Variants in RNF217 observed in about 807,000 individuals in gnomAD.
RNF217 encodes the protein ring finger protein 217.
RNF217 carries 31 observed loss-of-function variants against 57.8 expected under a neutral mutation model. That is an observed-to-expected ratio of 0.54 (90% CI 0.40 to 0.72). RNF217 has a LOEUF of 0.72. RNF217 is among the 30% of genes least tolerant of loss of function. The probability of loss-of-function intolerance (pLI) is 0.00; values close to 1 mark genes in which losing one functional copy is unlikely to be tolerated. For missense variants in RNF217, 696 were observed against 708.3 expected, an observed-to-expected ratio of 0.98 and a Z score of 0.20; for synonymous variants, 313 against 294.0, an observed-to-expected ratio of 1.06 and a Z score of -0.66.
intron 4 of RNF217, among the ~76,000 whole-genome samples, chr6:125,079,978 T>C (rs1788514862): frequency 6.6e-6 from 1 of 152,108 alleles, no homozygotes; most frequent in African/African-American, 2.4e-5. Flanking sequence ...GGAATAAGTT[T>C]ATTTCCTATC....
At chr6:125,017,457 C>G (rs1785655444) in intron 1 of RNF217, among the ~76,000 whole-genome samples, 1 of 152,120 alleles carries the variant, frequency 6.6e-6, no homozygotes, top group Non-Finnish European at 1.5e-5. Flanking sequence ...TTGTCACAAG[C>G]TGCTTTAAGG....
chr6:125,074,197 C>T (rs755142145), intron 3 of RNF217, among the ~76,000 whole-genome samples: 4 of 152,126 alleles, frequency 2.6e-5, no homozygotes, highest in Non-Finnish European at 2.9e-5. Context: ...ATGAAGTGCC[C>T]GCCTGTAATA....
rs752370340 is a variant in RNF217 at position 124,990,704 on chromosome 6, C to T, written c.882+27278C>T. ...CTGTGAACCATGCCACCATCATTCT[C>T]ACCAGGAATCTAGCAGTAAAATCTT... is the stretch of plus-strand genomic sequence containing the variant. On this transcript the variant is annotated intron_variant, in intron 1 of 5. Transcript: ENST00000521654. Among the ~76,000 whole-genome samples, 308 of 152,188 alleles carry T rather than the reference C, an allele frequency of 2.0e-3. 9 individuals are homozygous for T. Among genetic ancestry groups the T allele is most frequent in the Non-Finnish European group, 6.8e-4 (46 of 68,038 alleles).
chr6:125,029,737 A>T (rs1786268960), intron 1 of RNF217, among the ~76,000 whole-genome samples: 1 of 152,220 alleles, frequency 6.6e-6, no homozygotes, highest in Non-Finnish European at 1.5e-5. Flanking sequence ...TATCATAAGA[A>T]ATGATCTTGT....
At chr6:125,021,375 T>TC (rs1785831141) in intron 1 of RNF217, among the ~76,000 whole-genome samples, 1 of 151,506 alleles carries the variant, frequency 6.6e-6, no homozygotes, top group Non-Finnish European at 1.5e-5. Flanking sequence ...CAAGCAATTC[T>TC]CTGCCTCAGC....
chr6:125,010,171 A>G (rs1785364206), intron 1 of RNF217, among the ~76,000 whole-genome samples: 1 of 152,118 alleles, frequency 6.6e-6, no homozygotes, highest in African/African-American at 2.4e-5. Context: ...ATGCTCGTTC[A>G]GTATTTTGCT....
chr6:125,022,717 G>A (rs73579225), intron 1 of RNF217, among the ~76,000 whole-genome samples: 3,387 of 152,200 alleles, frequency 0.022, 115 homozygotes, highest in African/African-American at 0.076. Flanking sequence ...TCCAGAACAG[G>A]ATGCTGATTT....
intron 1 of RNF217, among the ~76,000 whole-genome samples, chr6:125,020,496 T>C (rs1280518870): frequency 1.3e-5 from 2 of 152,200 alleles, no homozygotes; most frequent in Non-Finnish European, 2.9e-5. Context: ...GGCTGGAGCC[T>C]AGTCATCCAG....
chr6:124,992,249 C>T (rs1389041280), intron 1 of RNF217, among the ~76,000 whole-genome samples: 3 of 151,964 alleles, frequency 2.0e-5, no homozygotes, highest in African/African-American at 7.3e-5. Flanking sequence ...TCATTTTTAC[C>T]GCAAAGGTAT....
intron 1 of RNF217, among the ~76,000 whole-genome samples, chr6:124,969,873 G>T (rs550002138): frequency 6.6e-6 from 1 of 151,368 alleles, no homozygotes; most frequent in African/African-American, 2.5e-5. Flanking sequence ...GTTTTGGGGG[G>T]GTTGTCATGG....
At chr6:125,036,422 A>T (rs1786620217) in intron 1 of RNF217, among the ~76,000 whole-genome samples, 1 of 152,208 alleles carries the variant, frequency 6.6e-6, no homozygotes, top group Non-Finnish European at 1.5e-5. Context: ...AATGATTTAT[A>T]ATCCTTTGGG....
chr6:125,066,158 G>C (rs57724575), intron 3 of RNF217, among the ~76,000 whole-genome samples: 2,214 of 152,254 alleles, frequency 0.015, 47 homozygotes, highest in African/African-American at 0.048. Context: ...CTGGGGCAAG[G>C]CATCATCGTC....
chr6:124,981,853 C>G (rs1472764269), intron 1 of RNF217, among the ~76,000 whole-genome samples: 1 of 148,476 alleles, frequency 6.7e-6, no homozygotes, highest in African/African-American at 2.5e-5. Flanking sequence ...CCTGTCTCTA[C>G]TAAAAATACA....
intron 3 of RNF217, among the ~76,000 whole-genome samples, chr6:125,058,446 G>A (rs1193969064): frequency 6.6e-6 from 1 of 152,110 alleles, no homozygotes; most frequent in East Asian, 1.9e-4. Context: ...AGTCTGCCAC[G>A]TGTACTATAA....
chr6:124,997,993 T>G (rs774291066), intron 1 of RNF217, among the ~76,000 whole-genome samples: 5 of 152,192 alleles, frequency 3.3e-5, no homozygotes, highest in Non-Finnish European at 5.9e-5. Flanking sequence ...GCATTCCTTT[T>G]CTGATTGTGA....
chr6:125,016,487 C>T (rs947748152), intron 1 of RNF217, among the ~76,000 whole-genome samples: 1 of 152,122 alleles, frequency 6.6e-6, no homozygotes, highest in Admixed American at 6.5e-5. Flanking sequence ...TTTAATGGTC[C>T]CTCCATTATT....
At chr6:125,041,437 A>G (rs580862) in intron 1 of RNF217, among the ~76,000 whole-genome samples, 5,536 of 152,178 alleles carry the variant, frequency 0.036, 133 homozygotes, top group South Asian at 0.083. Context: ...GTCTTTATAT[A>G]ATACAGACTT....
intron 1 of RNF217, among the ~76,000 whole-genome samples, chr6:125,019,959 A>G (rs561221290): frequency 5.3e-5 from 8 of 152,270 alleles, no homozygotes; most frequent in African/African-American, 1.7e-4. Context: ...AGAAGAGCCC[A>G]GTAACCCTGG....
chr6:124,969,617 T>C (rs1194716913), intron 1 of RNF217, among the ~76,000 whole-genome samples: 2 of 152,230 alleles, frequency 1.3e-5, no homozygotes, highest in Non-Finnish European at 2.9e-5. Flanking sequence ...TACATGTATT[T>C]TTATTTAATT....
Sources: gnomAD v4.1 joint callset for allele counts (sites outside exome capture counted in the v4.1 genomes callset) on GRCh38, gnomAD v4.1.1 for gene constraint, MANE v1.5 for transcripts, NCBI Gene and HGNC (gene_info 2026-07-23, HGNC 2026-07-21) for gene names.